Variants in CACNG4 observed in about 807,000 individuals in gnomAD.
CACNG4 encodes the protein voltage-dependent calcium channel gamma-4 subunit.
In CACNG4, 8 loss-of-function variants were observed where a neutral mutation model predicts 22.9. The ratio of observed to expected loss-of-function variants is 0.35; its 90% CI spans 0.21 to 0.63. The LOEUF (loss-of-function observed/expected upper bound fraction) is 0.63, where lower values mean the gene tolerates loss of function less well. Among genes scored for constraint, CACNG4 ranks in the 30% least tolerant of loss-of-function variants. The pLI is 0.72. For synonymous variants in CACNG4, 188 were observed against 191.9 expected (o/e 0.98, Z 0.17); for missense variants, 357 against 455.4 (o/e 0.78, Z 1.97).
At chr17:66,980,272 G>C (rs562851629) in intron 1 of CACNG4, among the ~76,000 whole-genome samples, 25 of 152,218 alleles carry the variant, frequency 1.6e-4, no homozygotes, top group Middle Eastern at 6.8e-3. Flanking sequence ...TACAATAAAA[G>C]TGCTAAAACT....
chr17:66,992,590 T>C (rs4790998), intron 1 of CACNG4, among the ~76,000 whole-genome samples: 84,820 of 152,116 alleles, frequency 0.56, 24,663 homozygotes, highest in African/African-American at 0.73. Context: ...AGGTGGGAGC[T>C]GCCCATGTGG....
intron 1 of CACNG4, among the ~76,000 whole-genome samples, chr17:66,974,965 CTGACGCCG>C (rs2143279330): frequency 6.6e-6 from 1 of 151,688 alleles, no homozygotes; most frequent in African/African-American, 2.4e-5. Context: ...CCCTCCCACC[CTGACGCCG>C]TGACTTGCCT....
chr17:67,029,562 A>G (rs570465662), intron 3 of CACNG4, among the ~76,000 whole-genome samples: 2 of 152,226 alleles, frequency 1.3e-5, no homozygotes, highest in Middle Eastern at 3.4e-3. Context: ...TGAACCCGGG[A>G]GGCGGAGGTT....
chr17:67,012,981 G>A (rs934331755), intron 1 of CACNG4, among the ~76,000 whole-genome samples: 3 of 152,222 alleles, frequency 2.0e-5, no homozygotes. Flanking sequence ...GTTGCCCTCT[G>A]ACATGCTTTT....
chr17:66,974,061 A>G (rs2035221211), intron 1 of CACNG4, among the ~76,000 whole-genome samples: 1 of 152,152 alleles, frequency 6.6e-6, no homozygotes, highest in South Asian at 2.1e-4. Context: ...TCCCCCTTCA[A>G]CCATAAAAGG....
At chr17:67,004,214 G>A (rs1454298519) in intron 1 of CACNG4, among the ~76,000 whole-genome samples, 1 of 152,218 alleles carries the variant, frequency 6.6e-6, no homozygotes, top group African/African-American at 2.4e-5. Flanking sequence ...TAGATGCAAG[G>A]AGAAAAATCA....
At chr17:67,020,838 G>A (rs1447515892) in intron 2 of CACNG4, among the ~76,000 whole-genome samples, 1 of 152,204 alleles carries the variant, frequency 6.6e-6, no homozygotes, top group African/African-American at 2.4e-5. Flanking sequence ...TAGAAGCACA[G>A]GAGGGAGGTC....
At chr17:67,007,386 G>C (rs1277476490) in intron 1 of CACNG4, among the ~76,000 whole-genome samples, 1 of 152,196 alleles carries the variant, frequency 6.6e-6, no homozygotes, top group Non-Finnish European at 1.5e-5. Context: ...AATTGGAACA[G>C]TCTAGTCTAA....
chr17:66,976,172 A>G (rs1283500214), intron 1 of CACNG4, among the ~76,000 whole-genome samples: 2 of 152,082 alleles, frequency 1.3e-5, no homozygotes, highest in Non-Finnish European at 2.9e-5. Flanking sequence ...CCGGAGTGAA[A>G]ACCATCAGGA....
chr17:67,024,551 C>A (rs979884991), intron 2 of CACNG4, among the ~76,000 whole-genome samples: 2 of 152,196 alleles, frequency 1.3e-5, no homozygotes, highest in African/African-American at 2.4e-5. Flanking sequence ...AAATGTGATG[C>A]GGTTTGTTGC....
chr17:67,006,717 C>T (rs1327180511), intron 1 of CACNG4, among the ~76,000 whole-genome samples: 1 of 152,198 alleles, frequency 6.6e-6, no homozygotes, highest in South Asian at 2.1e-4. Flanking sequence ...AGGTCATAAG[C>T]TCTCCCAGGC....
chr17:67,013,744 G>T (rs1053072588), intron 1 of CACNG4, among the ~76,000 whole-genome samples: 1 of 151,770 alleles, frequency 6.6e-6, no homozygotes, highest in Non-Finnish European at 1.5e-5. Flanking sequence ...GGTGGAGGTC[G>T]CAGTGAGCCG....
chr17:66,992,558 A>G (rs992469305), intron 1 of CACNG4, among the ~76,000 whole-genome samples: 2 of 152,208 alleles, frequency 1.3e-5, no homozygotes, highest in African/African-American at 4.8e-5. Context: ...CAACCCTGCC[A>G]TGGCTGGATA....
chr17:67,029,001 CCAGGGA>C (rs1013362094), intron 3 of CACNG4, among the ~76,000 whole-genome samples: 9 of 152,168 alleles, frequency 5.9e-5, no homozygotes, highest in African/African-American at 1.9e-4. Context: ...CTGAATCCAT[CCAGGGA>C]CAGAGAAAGG....
At chr17:67,018,758 G>A (rs1322536198) in intron 2 of CACNG4, among the ~76,000 whole-genome samples, 1 of 152,142 alleles carries the variant, frequency 6.6e-6, no homozygotes, top group East Asian at 1.9e-4. Context: ...ACAGCCTCTT[G>A]GGGTGCTGGG....
chr17:67,025,830 A>G (rs1487714628), intron 3 of CACNG4, among the ~76,000 whole-genome samples: 6 of 152,140 alleles, frequency 3.9e-5, no homozygotes, highest in African/African-American at 1.4e-4. Context: ...ACATCCTGGG[A>G]CCCGCAGCCA....
intron 2 of CACNG4, among the ~76,000 whole-genome samples, chr17:67,021,187 C>A (rs1165838299): frequency 6.6e-6 from 1 of 151,014 alleles, no homozygotes; most frequent in Non-Finnish European, 1.5e-5. Context: ...CATGACAGAG[C>A]AAGACCCCAT....
intron 1 of CACNG4, among the ~76,000 whole-genome samples, chr17:67,014,513 C>T (rs975643016): frequency 2.0e-5 from 3 of 152,106 alleles, no homozygotes; most frequent in African/African-American, 7.2e-5. Flanking sequence ...GAAGAAAGTG[C>T]CAATGTGGTT....
intron 1 of CACNG4, among the ~76,000 whole-genome samples, chr17:66,977,064 C>T (rs925385537): frequency 6.6e-6 from 1 of 152,212 alleles, no homozygotes; most frequent in Non-Finnish European, 1.5e-5. Flanking sequence ...CTCCGACACA[C>T]GCCCACTGCC....
Sources: allele counts gnomAD v4.1 joint callset (sites outside exome capture counted in the v4.1 genomes callset), GRCh38; gene constraint gnomAD v4.1.1; transcripts MANE v1.5; gene names NCBI Gene and HGNC (gene_info 2026-07-23, HGNC 2026-07-21).